SPAG16: variants seen among roughly 807,000 people sequenced by gnomAD.
The protein encoded by SPAG16 is sperm-associated antigen 16 protein.
Under a neutral mutation model 80.4 loss-of-function variants are expected in SPAG16, and 86 were observed. That is an observed-to-expected ratio of 1.07 (90% confidence interval 0.90 to 1.28). SPAG16 has a LOEUF of 1.28. Ranked by LOEUF, SPAG16 falls within the 50% of genes most tolerant of loss-of-function variation. SPAG16 has a pLI of 0.00. For synonymous variants in SPAG16, 294 were observed against 265.9 expected (o/e 1.11, Z -1.03); for missense variants, 870 against 765.3 (o/e 1.14, Z -1.61).
At chr2:213,954,481 T>A (rs546898776) in intron 12 of SPAG16, among the ~76,000 whole-genome samples, 15 of 152,252 alleles carry the variant, frequency 9.9e-5, no homozygotes, top group African/African-American at 3.4e-4. Flanking sequence ...CAGGTTTTTG[T>A]TTGGACATAT....
intron 9 of SPAG16, among the ~76,000 whole-genome samples, chr2:213,421,532 A>G (rs1231339863): frequency 1.3e-5 from 2 of 152,218 alleles, no homozygotes; most frequent in African/African-American, 4.8e-5. Context: ...CCCACCTTCA[A>G]GCCAGGCATG....
intron 10 of SPAG16, among the ~76,000 whole-genome samples, chr2:213,856,271 G>A (rs1460865420): frequency 1.3e-5 from 2 of 152,200 alleles, no homozygotes; most frequent in East Asian, 3.9e-4. Flanking sequence ...GCAAGAGGTG[G>A]ACTCCCATAG....
chr2:213,887,415 A>G (rs569234963), intron 11 of SPAG16, among the ~76,000 whole-genome samples: 2 of 152,020 alleles, frequency 1.3e-5, no homozygotes, highest in South Asian at 2.1e-4. Flanking sequence ...AATGACTCTC[A>G]TATCGTATTC....
intron 13 of SPAG16, among the ~76,000 whole-genome samples, chr2:214,082,078 A>G (rs920085396): frequency 1.3e-5 from 2 of 151,924 alleles, no homozygotes; most frequent in African/African-American, 2.4e-5. Context: ...TTGGCACTAA[A>G]CCTTGCCTTT....
intron 15 of SPAG16, among the ~76,000 whole-genome samples, chr2:214,307,279 A>ATCTT (rs1222731631): frequency 6.6e-6 from 1 of 150,550 alleles, no homozygotes; most frequent in Non-Finnish European, 1.5e-5. Flanking sequence ...CTCTCTTTTC[A>ATCTT]TCTTTATTAG....
intron 13 of SPAG16, among the ~76,000 whole-genome samples, chr2:214,059,479 G>C (rs999022561): frequency 6.6e-6 from 1 of 151,372 alleles, no homozygotes; most frequent in Non-Finnish European, 1.5e-5. Context: ...TTTGTTCTAA[G>C]TTATTTCTTC....
intron 11 of SPAG16, among the ~76,000 whole-genome samples, chr2:213,883,506 C>G (rs1575449862): frequency 1.3e-5 from 2 of 152,084 alleles, no homozygotes; most frequent in African/African-American, 4.8e-5. Context: ...GTAGAATGTT[C>G]AGTAGATGTT....
chr2:214,247,015 T>C (rs1357745483), intron 15 of SPAG16, among the ~76,000 whole-genome samples: 2 of 152,196 alleles, frequency 1.3e-5, no homozygotes, highest in Non-Finnish European at 2.9e-5. Context: ...ATAAAATGTT[T>C]TTTAGTTTTA....
At chr2:213,817,258 T>G (rs986353772) in intron 10 of SPAG16, among the ~76,000 whole-genome samples, 3 of 145,854 alleles carry the variant, frequency 2.1e-5, no homozygotes, top group South Asian at 2.1e-4. Flanking sequence ...ATATATATGA[T>G]ATATATATAT....
intron 10 of SPAG16, among the ~76,000 whole-genome samples, chr2:213,776,086 C>T (rs1459223234): frequency 6.6e-6 from 1 of 152,148 alleles, no homozygotes; most frequent in Non-Finnish European, 1.5e-5. Context: ...CAAAGTAACC[C>T]CTTCCCAACA....
chr2:213,592,991 C>G (rs975314590), intron 10 of SPAG16, among the ~76,000 whole-genome samples: 2 of 151,914 alleles, frequency 1.3e-5, no homozygotes, highest in South Asian at 2.1e-4. Flanking sequence ...ACCACCCCCA[C>G]CCCACCAACA....
At chr2:213,927,964 G>T (rs116359101) in intron 11 of SPAG16, among the ~76,000 whole-genome samples, 68 of 152,292 alleles carry the variant, frequency 4.5e-4, no homozygotes, top group African/African-American at 1.6e-3. Flanking sequence ...CTAAAATTCT[G>T]AATGACAAAC....
chr2:213,649,397 G>A lies in SPAG16; in HGVS notation c.1070+159307G>A, dbSNP rs1003367303. Among the ~76,000 whole-genome samples, 23 of 152,208 alleles carry A rather than the reference G, an allele frequency of 1.5e-4. 1 individual carries two copies. The highest frequency in any genetic ancestry group is 1.4e-3 in the Admixed American group (21 of 15,286). On this transcript the variant is annotated intron_variant, in intron 10 of 15. Coordinates refer to ENST00000331683, the MANE Select transcript of SPAG16 (RefSeq NM_024532.5). ...GCTGGGTGATGACTGTTCTACTCAC[G>A]CTGTCGCAATGTTTGCAGTAGTTAT...
chr2:213,469,301 T>A (rs2072934648), intron 9 of SPAG16, among the ~76,000 whole-genome samples: 1 of 152,188 alleles, frequency 6.6e-6, no homozygotes, highest in African/African-American at 2.4e-5. Flanking sequence ...CAAATACTAT[T>A]ACATAAAGTT....
At chr2:214,353,991 C>G (rs1320281250) in intron 15 of SPAG16, among the ~76,000 whole-genome samples, 2 of 151,954 alleles carry the variant, frequency 1.3e-5, no homozygotes, top group African/African-American at 4.8e-5. Flanking sequence ...AAGATATACA[C>G]AAAGGATAAA....
chr2:213,543,582 A>C (rs2076523184), intron 10 of SPAG16, among the ~76,000 whole-genome samples: 1 of 151,838 alleles, frequency 6.6e-6, no homozygotes, highest in South Asian at 2.1e-4. Context: ...TCTGCATCCC[A>C]ATTTATTTGA....
At chr2:214,053,150 C>G (rs1575990634) in intron 13 of SPAG16, among the ~76,000 whole-genome samples, 1 of 152,080 alleles carries the variant, frequency 6.6e-6, no homozygotes, top group Non-Finnish European at 1.5e-5. Flanking sequence ...GCATGCAATT[C>G]GAGCATGGAA....
At chr2:214,348,098 C>A (rs1234238469) in intron 15 of SPAG16, among the ~76,000 whole-genome samples, 1 of 152,182 alleles carries the variant, frequency 6.6e-6, no homozygotes, top group African/African-American at 2.4e-5. Context: ...CTATCTTATG[C>A]TGTCCCACCA....
intron 12 of SPAG16, among the ~76,000 whole-genome samples, chr2:213,954,799 T>C (rs1449422488): frequency 6.6e-6 from 1 of 152,202 alleles, no homozygotes; most frequent in Non-Finnish European, 1.5e-5. Flanking sequence ...ATTCTCCACA[T>C]TGTTGCTAAC....
Sources: gnomAD v4.1 joint callset for allele counts (sites outside exome capture counted in the v4.1 genomes callset) on GRCh38, gnomAD v4.1.1 for gene constraint, MANE v1.5 for transcripts, NCBI Gene and HGNC (gene_info 2026-07-23, HGNC 2026-07-21) for gene names.